Variants in ARHGAP10 observed in about 807,000 individuals in gnomAD.
ARHGAP10 encodes the protein rho GTPase-activating protein 10.
In ARHGAP10, 87 loss-of-function variants were observed where a neutral mutation model predicts 108.6. That is an observed-to-expected ratio of 0.80 (90% confidence interval 0.67 to 0.96). The LOEUF is 0.96. Ranked by LOEUF, ARHGAP10 falls within the 40% of genes least tolerant of loss-of-function variation. The probability of loss-of-function intolerance (pLI) is 0.00; values close to 1 mark genes in which losing one functional copy is unlikely to be tolerated. For synonymous variants in ARHGAP10, 347 were observed against 341.1 expected, an observed-to-expected ratio of 1.02 and a Z score of -0.19; for missense variants, 939 against 954.5, an observed-to-expected ratio of 0.98 and a Z score of 0.21.
At chr4:147,752,186 C>G (rs1473646935) in intron 1 of ARHGAP10, among the ~76,000 whole-genome samples, 1 of 151,990 alleles carries the variant, frequency 6.6e-6, no homozygotes, top group Non-Finnish European at 1.5e-5. Context: ...CCTGGCCAAG[C>G]CTTTAGTATT....
chr4:147,775,887 T>C (rs1439055555), intron 1 of ARHGAP10, among the ~76,000 whole-genome samples: 1 of 152,114 alleles, frequency 6.6e-6, no homozygotes, highest in Non-Finnish European at 1.5e-5. Flanking sequence ...TGAGATATAA[T>C]GTATGTTATT....
intron 16 of ARHGAP10, among the ~76,000 whole-genome samples, chr4:147,955,598 T>G (rs576192882): frequency 1.2e-4 from 19 of 152,252 alleles, no homozygotes; most frequent in Middle Eastern, 3.4e-3. Context: ...ATTATGTTAC[T>G]GGATATGTAA....
chr4:147,767,516 G>T (rs566507408), intron 1 of ARHGAP10, among the ~76,000 whole-genome samples: 1 of 152,142 alleles, frequency 6.6e-6, no homozygotes, highest in South Asian at 2.1e-4. Flanking sequence ...AGCTGGTTTT[G>T]CTCCTATAAA....
chr4:147,765,163 C>T (rs938918463), intron 1 of ARHGAP10, among the ~76,000 whole-genome samples: 17 of 152,050 alleles, frequency 1.1e-4, no homozygotes, highest in Admixed American at 1.1e-3. Context: ...ACGCTATTTT[C>T]AGTTTTTCTT....
chr4:147,911,573 A>C (rs62332178), intron 12 of ARHGAP10, among the ~76,000 whole-genome samples: 1 of 152,308 alleles, frequency 6.6e-6, no homozygotes, highest in Admixed American at 6.5e-5. Flanking sequence ...CGTGTTAGCC[A>C]GGATGGTCTT....
chr4:147,962,991 C>G (rs940869897), intron 16 of ARHGAP10, among the ~76,000 whole-genome samples: 3 of 152,100 alleles, frequency 2.0e-5, no homozygotes, highest in Non-Finnish European at 4.4e-5. Flanking sequence ...TTTCTTATCT[C>G]CCACATAACT....
chr4:147,900,856 C>T (rs147132549), intron 10 of ARHGAP10, among the ~76,000 whole-genome samples: 25 of 151,784 alleles, frequency 1.6e-4, no homozygotes, highest in African/African-American at 6.0e-4. Context: ...CGCCTTGAGA[C>T]AGGTTCTTGT....
chr4:148,056,703 C>G (rs1729378272), intron 20 of ARHGAP10, among the ~76,000 whole-genome samples: 1 of 152,208 alleles, frequency 6.6e-6, no homozygotes, highest in South Asian at 2.1e-4. Context: ...TTCTCTGTTT[C>G]AAGCTCAAAT....
At chr4:147,921,952 C>A (rs1737248372) in intron 13 of ARHGAP10, among the ~76,000 whole-genome samples, 1 of 152,178 alleles carries the variant, frequency 6.6e-6, no homozygotes, top group Admixed American at 6.5e-5. Context: ...GTAGCTCTCT[C>A]ATGATGGAGT....
Position 148,064,419 on chromosome 4 carries a change from C to T in ARHGAP10, c.2184C>T (p.Ile728=). ...TTTGTATTCTCTTTCTTTTCAGCAT[C>T]CGCAGTCGGAAGGCTCGAGCCGTGT... The part of the protein sequence containing the change: ...ATVADKPPES[I]RSRKARAVYP... The change falls in exon 22 of 23, where the codon ATC becomes ATT. Residue 728 remains isoleucine, a synonymous_variant. Transcript: ENST00000336498. 6.2e-7 allele frequency: 1 copy of T among 1,613,322 alleles called. No individual in the cohort carries two copies. The highest frequency in any genetic ancestry group is 1.1e-5 in the South Asian group (1 of 90,902).
intron 8 of ARHGAP10, among the ~76,000 whole-genome samples, chr4:147,877,166 T>C (rs901185495): frequency 1.3e-5 from 2 of 152,192 alleles, no homozygotes; most frequent in Non-Finnish European, 2.9e-5. Flanking sequence ...TTTCCAGGCA[T>C]TTGGGCTAAG....
intron 17 of ARHGAP10, among the ~76,000 whole-genome samples, 189 bp downstream of exon 17, chr4:147,965,318 AC>A (rs1739164673): frequency 1.3e-5 from 2 of 152,180 alleles, no homozygotes; most frequent in Non-Finnish European, 2.9e-5. Flanking sequence ...TATTTGCTTA[AC>A]ATCTCTGCCA....
At chr4:147,745,063 T>A (rs990669645) in intron 1 of ARHGAP10, among the ~76,000 whole-genome samples, 7 of 151,162 alleles carry the variant, frequency 4.6e-5, no homozygotes, top group Admixed American at 3.9e-4. Context: ...CAGGAGAGGG[T>A]CTCAAAAGCC....
chr4:148,001,160 A>G (rs1740702995), intron 18 of ARHGAP10, among the ~76,000 whole-genome samples: 1 of 152,216 alleles, frequency 6.6e-6, no homozygotes, highest in African/African-American at 2.4e-5. Context: ...AGCACCTTTT[A>G]TTGAATAGGG....
intron 19 of ARHGAP10, among the ~76,000 whole-genome samples, chr4:148,024,150 T>C (rs1324439556): frequency 1.3e-5 from 2 of 152,236 alleles, no homozygotes; most frequent in Non-Finnish European, 2.9e-5. Flanking sequence ...CATATGGTTA[T>C]TGGTGTGGAG....
At chr4:147,872,956 T>C (rs1734897223) in intron 7 of ARHGAP10, among the ~76,000 whole-genome samples, 1 of 151,578 alleles carries the variant, frequency 6.6e-6, no homozygotes, top group Non-Finnish European at 1.5e-5. Flanking sequence ...GAGCACACTG[T>C]GCCCAGATCT....
At chr4:147,943,656 C>A (rs1738255269) in intron 14 of ARHGAP10, among the ~76,000 whole-genome samples, 1 of 152,148 alleles carries the variant, frequency 6.6e-6, no homozygotes, top group South Asian at 2.1e-4. Flanking sequence ...TTTTAACAAA[C>A]CCATAAAGTG....
intron 7 of ARHGAP10, among the ~76,000 whole-genome samples, chr4:147,872,929 T>G (rs117274429): frequency 6.6e-6 from 1 of 151,908 alleles, no homozygotes; most frequent in Non-Finnish European, 1.5e-5. Flanking sequence ...GGCTGTCTGC[T>G]GAGAAGACTT....
chr4:147,978,214 G>A (rs926236202), intron 18 of ARHGAP10, among the ~76,000 whole-genome samples: 1 of 152,122 alleles, frequency 6.6e-6, no homozygotes, highest in Non-Finnish European at 1.5e-5. Context: ...GGGTCGAATG[G>A]TAGTTCTATT....
Sources: gnomAD v4.1 joint callset for allele counts (sites outside exome capture counted in the v4.1 genomes callset) on GRCh38, gnomAD v4.1.1 for gene constraint, MANE v1.5 for transcripts, NCBI Gene and HGNC (gene_info 2026-07-23, HGNC 2026-07-21) for gene names.